The following PRKN variants were observed in gnomAD, a reference collection of about 807,000 sequenced individuals.
The protein encoded by PRKN is E3 ubiquitin-protein ligase parkin.
PRKN carries 56 observed loss-of-function variants against 59.5 expected under a neutral mutation model. That is an observed-to-expected ratio of 0.94 (90% confidence interval 0.76 to 1.18). PRKN has a LOEUF of 1.18. Among genes scored for constraint, PRKN ranks in the 50% most tolerant of loss-of-function variants. PRKN has a pLI of 0.00. For synonymous variants in PRKN, 250 were observed against 222.1 expected (o/e 1.13, Z -1.12); for missense variants, 657 against 596.4 (o/e 1.10, Z -1.06).
chr6:162,542,521 T>C (rs1583763815), intron 1 of PRKN, among the ~76,000 whole-genome samples: 1 of 152,116 alleles, frequency 6.6e-6, no homozygotes, highest in Non-Finnish European at 1.5e-5. Flanking sequence ...GAGCTTAATA[T>C]TGAGATGCTG....
rs190431953 is a variant in PRKN, at chr6:161,807,786, C to T, written c.735-21878G>A. 2.3e-4 allele frequency among the ~76,000 whole-genome samples: 35 copies of T among 152,272 alleles called. 1 individual carries two copies. The highest frequency in any genetic ancestry group is 3.4e-3 in the Middle Eastern group (1 of 294). Reference sequence around the variant, plus strand: ...AGTTAGATTTGATTAAGGCCCTACCCTACTCCAGTAAAACCTCATCTTAAC... The same window carrying T: ...AGTTAGATTTGATTAAGGCCCTACCTTACTCCAGTAAAACCTCATCTTAAC... On this transcript the variant is annotated intron_variant, in intron 6 of 11. Coordinates refer to ENST00000366898, the MANE Select transcript of PRKN (RefSeq NM_004562.3).
At chr6:162,305,518 G>T (rs888379444) in intron 2 of PRKN, among the ~76,000 whole-genome samples, 2 of 151,870 alleles carry the variant, frequency 1.3e-5, no homozygotes, top group Non-Finnish European at 2.9e-5. Context: ...AACGAGCTTC[G>T]CTCTTATTTC....
intron 6 of PRKN, among the ~76,000 whole-genome samples, chr6:161,825,974 C>T (rs1040369271): frequency 6.6e-6 from 1 of 152,158 alleles, no homozygotes; most frequent in African/African-American, 2.4e-5. Context: ...CTTTATTCCC[C>T]TCTATTTTTC....
In PRKN at chr6:161,551,288, C is replaced by T. The variant is rs148189661; in HGVS notation, c.934-2285G>A. Among the ~76,000 whole-genome samples, 25 of 152,306 alleles carry T rather than the reference C, an allele frequency of 1.6e-4. No individual in the cohort carries two copies. The East Asian group carries it at 1.9e-3, about 12-fold the overall frequency. ...AATGCCAAGGAAGGACCTGGGGAGG[C>T]GCGCTGGCGACCTGAACGTCTCCAG... is the stretch of plus-strand genomic sequence containing the variant. On this transcript the variant is annotated intron_variant, in intron 8 of 11. Coordinates refer to ENST00000366898, the MANE Select transcript of PRKN (RefSeq NM_004562.3). The surrounding 1 kb of genome is among the most constrained non-coding windows in gnomAD (Gnocchi z 5.2).
intron 2 of PRKN, among the ~76,000 whole-genome samples, chr6:162,425,624 A>C (rs1259156719): frequency 6.6e-6 from 1 of 152,296 alleles, no homozygotes; most frequent in African/African-American, 2.4e-5. Flanking sequence ...AAATGGCCCA[A>C]AAATGGTACA....
At chr6:162,146,964 C>T (rs1782056513) in intron 4 of PRKN, among the ~76,000 whole-genome samples, 1 of 151,846 alleles carries the variant, frequency 6.6e-6, no homozygotes, top group Non-Finnish European at 1.5e-5. Flanking sequence ...CTCCTGACCT[C>T]AGGTGATCCA....
At chr6:161,630,642 T>G (rs1257419531) in intron 7 of PRKN, among the ~76,000 whole-genome samples, 3 of 152,132 alleles carry the variant, frequency 2.0e-5, no homozygotes, top group Non-Finnish European at 2.9e-5. Context: ...TCATCATCTT[T>G]AAGTTATGGC....
intron 1 of PRKN, among the ~76,000 whole-genome samples, chr6:162,696,509 G>A (rs182947417): frequency 1.3e-4 from 19 of 150,828 alleles, no homozygotes; most frequent in Admixed American, 3.3e-4. Context: ...TACTGGATTC[G>A]ATACTGGATT....
intron 6 of PRKN, among the ~76,000 whole-genome samples, chr6:161,970,146 G>C (rs574632049): frequency 1.3e-5 from 2 of 151,976 alleles, no homozygotes; most frequent in Non-Finnish European, 2.9e-5. Context: ...GGCTCAAGCC[G>C]TTCTCCTGCC....
At chr6:162,622,687 G>C (rs1293742569) in intron 1 of PRKN, among the ~76,000 whole-genome samples, 1 of 152,046 alleles carries the variant, frequency 6.6e-6, no homozygotes, top group East Asian at 1.9e-4. Context: ...GATTTGTATG[G>C]GTAATTCATA....
chr6:161,920,467 A>G (rs977491326), intron 6 of PRKN, among the ~76,000 whole-genome samples: 1 of 152,062 alleles, frequency 6.6e-6, no homozygotes, highest in East Asian at 1.9e-4. Context: ...GAAAAGGTAC[A>G]GTGAAAATAC....
At chr6:161,693,688 C>A (rs1381117209) in intron 7 of PRKN, among the ~76,000 whole-genome samples, 1 of 152,142 alleles carries the variant, frequency 6.6e-6, no homozygotes, top group African/African-American at 2.4e-5. Context: ...CCAATGTAAT[C>A]ATCACGAAAA....
chr6:162,302,146 A>G (rs747572566), intron 2 of PRKN, among the ~76,000 whole-genome samples: 11 of 152,102 alleles, frequency 7.2e-5, no homozygotes, highest in Admixed American at 2.0e-4. Flanking sequence ...GTTTGCATTT[A>G]GTCATTTTAT....
chr6:161,597,606 C>T (rs1781961406), intron 7 of PRKN, among the ~76,000 whole-genome samples: 1 of 149,894 alleles, frequency 6.7e-6, no homozygotes, highest in African/African-American at 2.4e-5. Flanking sequence ...CCCTCCACCC[C>T]CGACTCTCTC....
intron 6 of PRKN, among the ~76,000 whole-genome samples, chr6:161,937,810 C>T (rs866129886): frequency 2.0e-5 from 3 of 152,124 alleles, no homozygotes; most frequent in African/African-American, 7.2e-5. Flanking sequence ...AGATATATGA[C>T]AAAGCCTTTT....
At chr6:162,633,151 T>C (rs1162078727) in intron 1 of PRKN, among the ~76,000 whole-genome samples, 1 of 151,406 alleles carries the variant, frequency 6.6e-6, no homozygotes, top group Non-Finnish European at 1.5e-5. Context: ...AAAAAAAATG[T>C]AGGCCGGGTG....
chr6:161,884,985 A>T (rs1795078610), intron 6 of PRKN, among the ~76,000 whole-genome samples: 1 of 152,028 alleles, frequency 6.6e-6, no homozygotes, highest in South Asian at 2.1e-4. Flanking sequence ...ACAAAAAAAA[A>T]AAAAATGCTA....
chr6:162,498,179 CTT>C (rs1793157440), intron 1 of PRKN, among the ~76,000 whole-genome samples: 2 of 152,000 alleles, frequency 1.3e-5, no homozygotes, highest in African/African-American at 4.8e-5. Flanking sequence ...GGGATTTGTG[CTT>C]ATTGCTACTT....
intron 1 of PRKN, among the ~76,000 whole-genome samples, chr6:162,643,202 A>C (rs754412282): frequency 3.9e-5 from 6 of 152,020 alleles, no homozygotes; most frequent in Non-Finnish European, 8.8e-5. Flanking sequence ...GTTTGAGACT[A>C]GCCTGGGCAA....
Sources: gnomAD v4.1 joint callset for allele counts (sites outside exome capture counted in the v4.1 genomes callset) on GRCh38, gnomAD v4.1.1 for gene constraint, Gnocchi (gnomAD v3.1) non-coding constraint, MANE v1.5 for transcripts, NCBI Gene and HGNC (gene_info 2026-07-23, HGNC 2026-07-21) for gene names.